Variants in RAB40C observed in about 807,000 individuals in gnomAD.
RAB40C encodes the protein RAB40C, member RAS oncogene family.
In RAB40C, 8 loss-of-function variants were observed where a neutral mutation model predicts 28.1. That is an observed-to-expected ratio of 0.28 (90% confidence interval 0.17 to 0.51). The LOEUF (loss-of-function observed/expected upper bound fraction) is 0.51. Among genes scored for constraint, RAB40C ranks in the 20% least tolerant of loss-of-function variants. The pLI is 0.97. For synonymous variants in RAB40C, 201 were observed against 171.7 expected, an observed-to-expected ratio of 1.17 and a Z score of -1.34; for missense variants, 288 against 405.9, an observed-to-expected ratio of 0.71 and a Z score of 2.50.
chr16:607,965 T>G (rs947256612), intron 1 of RAB40C, among the ~76,000 whole-genome samples: 1 of 152,008 alleles, frequency 6.6e-6, no homozygotes, highest in Non-Finnish European at 1.5e-5. Flanking sequence ...CTCTGAAGGG[T>G]GCCTGAGTCT....
chr16:589,747 A>C (rs970410335), upstream of RAB40C: 75 of 152,336 alleles, frequency 4.9e-4, no homozygotes, highest in African/African-American at 1.7e-3. Flanking sequence ...CCGGGAAAGC[A>C]GGAGGCGAGT....
intron 3 of RAB40C, among the ~76,000 whole-genome samples, chr16:618,806 G>A (rs2036648693): frequency 7.2e-6 from 1 of 138,570 alleles, no homozygotes; most frequent in African/African-American, 2.8e-5. Flanking sequence ...GGAGCTGTGT[G>A]TGTGCACAGG....
intron 1 of RAB40C, among the ~76,000 whole-genome samples, chr16:608,252 C>T (rs575593875): frequency 2.9e-4 from 44 of 152,258 alleles, no homozygotes; most frequent in African/African-American, 7.5e-4. Flanking sequence ...CATCAGGTGT[C>T]GGGAGAACTC....
At chr16:605,148 C>T (rs2036333156) in intron 1 of RAB40C, among the ~76,000 whole-genome samples, 1 of 152,150 alleles carries the variant, frequency 6.6e-6, no homozygotes. Context: ...TCGTGTGAGC[C>T]CTGGAGTTGG....
chr16:629,206 C>G lies in RAB40C; in HGVS notation c.*1584C>G. 1 of 252,710 alleles carries G rather than the reference C, an allele frequency of 4.0e-6. No individual in the cohort carries two copies. The allele number at this position is 252,710 out of a possible 1,614,324, so 15.7% of individuals were successfully genotyped here. A position where few individuals can be genotyped will look rare whatever the true frequency, so the allele number is the denominator to read the frequency against. On this transcript the variant is annotated 3_prime_UTR_variant, in exon 6 of 6. Transcript: ENST00000248139. ...ACACTACCCGCGCTGCTGTTAGACA[C>G]TCCGCCATTCCTGGTTCTCTCCGAA...
intron 1 of RAB40C, among the ~76,000 whole-genome samples, chr16:600,940 C>T (rs112303169): frequency 3.9e-5 from 6 of 152,356 alleles, no homozygotes; most frequent in East Asian, 1.9e-4. Context: ...GTGGCAGCTG[C>T]GTGAGGCTCT....
intron 3 of RAB40C, among the ~76,000 whole-genome samples, chr16:620,504 G>A (rs2036688390): frequency 6.6e-6 from 1 of 152,186 alleles, no homozygotes. Context: ...TACTATTTTG[G>A]TATTAAAAAA....
At chr16:621,626 CCT>C (rs2036718683) in intron 3 of RAB40C, among the ~76,000 whole-genome samples, 1 of 152,338 alleles carries the variant, frequency 6.6e-6, no homozygotes, top group Admixed American at 6.5e-5. Flanking sequence ...TGAGACGGCC[CCT>C]CTCAGAAGCG....
intron 1 of RAB40C, among the ~76,000 whole-genome samples, chr16:605,374 G>A (rs1451592049): frequency 6.6e-6 from 1 of 152,190 alleles, no homozygotes; most frequent in African/African-American, 2.4e-5. Context: ...GGTGTAATTT[G>A]TGTACAAAAA....
intron 1 of RAB40C, among the ~76,000 whole-genome samples, chr16:595,896 T>C (rs556579828): frequency 2.0e-5 from 3 of 152,360 alleles, no homozygotes; most frequent in South Asian, 4.1e-4. Flanking sequence ...CCACTGTGCC[T>C]GGCCTCTAAT....
intron 1 of RAB40C, among the ~76,000 whole-genome samples, chr16:592,173 C>A (rs1442001818): frequency 6.6e-6 from 1 of 152,212 alleles, no homozygotes; most frequent in Non-Finnish European, 1.5e-5. Context: ...GGTCCCTGCC[C>A]TCTCCCCTTG....
chr16:613,351 A>AG (rs1417990237), intron 1 of RAB40C, among the ~76,000 whole-genome samples: 2 of 151,684 alleles, frequency 1.3e-5, no homozygotes, highest in African/African-American at 4.9e-5. Flanking sequence ...AGCAGGGGAC[A>AG]GCTGCCCTCG....
Position 625,863 on chromosome 16 carries a change from C to T in RAB40C, c.343-36C>T, listed in dbSNP as rs377741889. On this transcript the variant is annotated intron_variant, in intron 4 of 5. Transcript: ENST00000248139. Reference sequence around the variant, plus strand: ...CTGCGGCTGAGGGGTGGGTGGCACCCTGCGTTTGTGCGTCTGCTGAGTTCT... The same window carrying T: ...CTGCGGCTGAGGGGTGGGTGGCACCTTGCGTTTGTGCGTCTGCTGAGTTCT... 142 of 1,568,184 alleles carry T rather than the reference C, an allele frequency of 9.1e-5. No homozygotes were observed. The African/African-American group carries it at 1.6e-3, about 17-fold the overall frequency.
intron 1 of RAB40C, among the ~76,000 whole-genome samples, chr16:594,818 CTTTTTTTTTTT>C (rs1006905623): frequency 3.8e-5 from 5 of 130,326 alleles, no homozygotes; most frequent in African/African-American, 5.7e-5. Context: ...GCTCGTCTTC[CTTTTTTTTTTT>C]TTTTTTTTTA....
intron 1 of RAB40C, among the ~76,000 whole-genome samples, chr16:607,373 G>C (rs1269780328): frequency 1.3e-5 from 2 of 151,962 alleles, no homozygotes; most frequent in African/African-American, 4.8e-5. Context: ...CATGGTGGTG[G>C]GTGCCTGTAA....
At chr16:625,856 TGGCACCCTGC>T in intron 4 of RAB40C, 33 bp from the exon 5 acceptor site, 2 of 1,540,482 alleles carry the variant, frequency 1.3e-6, no homozygotes, top group Non-Finnish European at 1.8e-6. Context: ...GAGGGGTGGG[TGGCACCCTGC>T]GTTTGTGCGT....
chr16:594,818 C>CTTT (rs1006905623), intron 1 of RAB40C, among the ~76,000 whole-genome samples: 28 of 130,320 alleles, frequency 2.1e-4, no homozygotes, highest in African/African-American at 7.7e-4. Flanking sequence ...GCTCGTCTTC[C>CTTT]TTTTTTTTTT....
rs1431311103 is a variant in RAB40C, at chr16:625,424, TG to T, written c.265-7del. On this transcript the variant is annotated splice_region_variant and splice_polypyrimidine_tract_variant and intron_variant, in intron 3 of 5. Transcript: ENST00000248139. ...TGACCCCTGATGACCCCCAAGTCTCTGTTGCAGGGGATCCTCTTGGTGTATG... is the reference window on the plus strand; with the variant it reads ...TGACCCCTGATGACCCCCAAGTCTCTTTGCAGGGGATCCTCTTGGTGTATG... 6.2e-7 allele frequency: 1 copy of T among 1,613,010 alleles called. No individual in the cohort carries two copies. The highest frequency in any genetic ancestry group is 8.5e-7 in the Non-Finnish European group (1 of 1,179,626).
rs1421494960 is a variant in RAB40C at position 627,810 on chromosome 16, G to T, written c.*188G>T. 3.1e-6 allele frequency: 2 copies of T among 641,660 alleles called. No individual in the cohort carries two copies. Among genetic ancestry groups the T allele is most frequent in the South Asian group, 7.4e-5 (2 of 26,912 alleles). 39.7% of individuals were successfully genotyped at this position (641,660 alleles called of 1,614,324 possible). The stretch of plus-strand genomic sequence containing the variant: ...ACGGACCAAGCGCGGCAGGCGGGAG[G>T]AGGGGGCGCGGCTGGGCTGCTGGTG... On this transcript the variant is annotated 3_prime_UTR_variant, in exon 6 of 6. Transcript: ENST00000248139.
Sources: allele counts gnomAD v4.1 joint callset (sites outside exome capture counted in the v4.1 genomes callset), GRCh38; gene constraint gnomAD v4.1.1; transcripts MANE v1.5; gene names NCBI Gene and HGNC (gene_info 2026-07-23, HGNC 2026-07-21).